The following KLHL41 variants were observed in gnomAD, a reference collection of about 807,000 sequenced individuals.
KLHL41 encodes the protein kelch-like protein 41.
A neutral mutation model predicts 49.2 loss-of-function variants in KLHL41; 31 were observed. The observed-to-expected ratio is 0.63, with a 90% CI of 0.47 to 0.85. KLHL41 has a LOEUF of 0.85. Ranked by LOEUF, KLHL41 falls within the 40% of genes least tolerant of loss-of-function variation. The probability of loss-of-function intolerance (pLI) is 0.00; values close to 1 mark genes in which losing one functional copy is unlikely to be tolerated. For synonymous variants in KLHL41, 218 were observed against 258.5 expected (o/e 0.84, Z 1.50); for missense variants, 663 against 726.7 (o/e 0.91, Z 1.01).
rs1233703863 is a variant in KLHL41, at chr2:169,510,086, T to C, written c.308T>C (p.Val103Ala). 2 of 1,614,080 alleles carry C rather than the reference T, an allele frequency of 1.2e-6. No homozygotes were observed. Among genetic ancestry groups the C allele is most frequent in the Non-Finnish European group, 1.7e-6 (2 of 1,180,038 alleles). ...SASIDLNDGN[V>A]QDIFALASRF... ...AGTATTGATCTCAATGACGGAAATG[T>C]GCAAGATATTTTTGCATTGGCCAGC... The change falls in exon 1 of 6, where the codon GTG becomes GCG. Residue 103 changes from valine to alanine, a missense_variant. Physicochemically the swap from Val to Ala is moderately conservative, Grantham distance 64. Coordinates refer to ENST00000284669, the MANE Select transcript of KLHL41 (RefSeq NM_006063.3). This position sits in a 1 kb window ranked among gnomAD's most constrained non-coding sequence, Gnocchi z 4.2.
At chr2:169,512,628 A>G (rs796881135) in intron 1 of KLHL41, among the ~76,000 whole-genome samples, 11 of 152,296 alleles carry the variant, frequency 7.2e-5, no homozygotes, top group African/African-American at 2.6e-4. Context: ...ATAACAGAAC[A>G]TTAACAATAA....
In KLHL41 at chr2:169,514,741, C is replaced by CA; in HGVS notation, c.1268+11dup. ...TATGCTATGATCCTGTGTAAGTTGG[C>CA]ATGATATTCCTGTTCCCTAAGCATT... On this transcript the variant is annotated intron_variant, in intron 2 of 5. Transcript: ENST00000284669. 6.2e-7 allele frequency: 1 copy of CA among 1,612,948 alleles called. No homozygotes were observed. The highest frequency in any genetic ancestry group is 1.3e-5 in the African/African-American group (1 of 74,986).
At position 169,526,011 on chromosome 2, in the gene KLHL41, T is replaced by C. The variant is rs940196480; in HGVS notation, c.*315T>C. 2.2e-5 allele frequency: 4 copies of C among 185,850 alleles called. No individual in the cohort carries two copies. Among genetic ancestry groups the C allele is most frequent in the Admixed American group, 5.9e-5 (1 of 16,906 alleles). 11.5% of individuals were successfully genotyped at this position (185,850 alleles called of 1,614,324 possible). On this transcript the variant is annotated 3_prime_UTR_variant, in exon 6 of 6. Coordinates refer to ENST00000284669, the MANE Select transcript of KLHL41 (RefSeq NM_006063.3). ...TTGCTAATCATTTCATTTGCATCAT[T>C]AGGGTATCCTTAAACTGATTTTCTA...
intron 5 of KLHL41, among the ~76,000 whole-genome samples, chr2:169,523,443 A>G (rs1684232532): frequency 6.6e-6 from 1 of 152,162 alleles, no homozygotes; most frequent in African/African-American, 2.4e-5. Context: ...AAGTTTGGGA[A>G]CCACTGGATT....
intron 5 of KLHL41, among the ~76,000 whole-genome samples, chr2:169,521,772 T>C (rs1684207502): frequency 6.6e-6 from 1 of 152,188 alleles, no homozygotes; most frequent in African/African-American, 2.4e-5. Flanking sequence ...TTTCCAATTG[T>C]TTTAGGCTTC....
At position 169,518,223 on chromosome 2, in the gene KLHL41, C is replaced by CA. The variant is rs749464576; in HGVS notation, c.1416dup (p.Gly473ArgfsTer22). 69 of 1,613,156 alleles carry CA rather than the reference C, an allele frequency of 4.3e-5. No individual in the cohort carries two copies. The highest frequency in any genetic ancestry group is 5.6e-5 in the Non-Finnish European group (66 of 1,179,564). ...CAAACAGGGTGTTTATCTTCAACCC[C>CA]AAAAAAGGAGATTGGAAAGATCTGG... On this transcript the variant is annotated frameshift_variant, in exon 4 of 6. Coordinates refer to ENST00000284669, the MANE Select transcript of KLHL41 (RefSeq NM_006063.3). LOFTEE classifies it high-confidence loss of function.
rs1684194335 is a variant in KLHL41 at position 169,520,984 on chromosome 2, C to T, written c.1686C>T (p.Pro562=). The change falls in exon 5 of 6, where the codon CCC becomes CCT. Residue 562 remains proline (P), a synonymous_variant. Coordinates refer to ENST00000284669, the MANE Select transcript of KLHL41 (RefSeq NM_006063.3). ...AACTGGAGTCTAAAGAATTTGCACC[C>T]ACTGAAGTCAATGACATATGGAAGT... ...MIQLESKEFA[P]TEVNDIWKYE... is the part of the protein sequence containing the mutation. 1.9e-6 allele frequency: 3 copies of T among 1,613,794 alleles called. No homozygotes were observed. The highest frequency in any genetic ancestry group is 2.5e-6 in the Non-Finnish European group (3 of 1,179,874).
At position 169,510,347 on chromosome 2, in the gene KLHL41, T is replaced by A; in HGVS notation, c.569T>A (p.Val190Glu). ...ISVISNDSLN[V>E]EKEEAVFEAV... ...GTCATTTCAAATGACAGCCTAAATG[T>A]AGAAAAAGAAGAAGCAGTATTTGAG... Residue 190 changes from valine (V) to glutamate (E), a missense_variant, in exon 1 of 6, where the codon GTA (valine) becomes GAA (glutamate). Physicochemically the swap from Val to Glu is moderately radical, Grantham distance 121. Transcript: ENST00000284669. This position sits in a 1 kb window ranked among gnomAD's most constrained non-coding sequence, Gnocchi z 4.2. The A allele has an allele frequency of 6.2e-7, 1 of 1,613,978 alleles. No homozygotes were observed. The highest frequency in any genetic ancestry group is 8.5e-7 in the Non-Finnish European group (1 of 1,180,000).
chr2:169,525,763 GT>G lies in KLHL41; in HGVS notation c.*73del. 1 of 887,790 alleles carries G rather than the reference GT, an allele frequency of 1.1e-6. No individual in the cohort carries two copies. The highest frequency in any genetic ancestry group is 1.8e-6 in the Non-Finnish European group (1 of 546,918). 55.0% of individuals were successfully genotyped at this position (887,790 alleles called of 1,614,324 possible). A position where few individuals can be genotyped will look rare whatever the true frequency, so the allele number is the denominator to read the frequency against. On this transcript the variant is annotated 3_prime_UTR_variant, in exon 6 of 6. Transcript: ENST00000284669. ...GGTGAATGGGGCTTTAATTTATTCT[GT>G]TTTTTAAAAGCTTGTACAGACACTC... is the stretch of plus-strand genomic sequence containing the variant.
intron 5 of KLHL41, 151 bp from the exon 6 acceptor site, chr2:169,525,434 A>C: frequency 1.7e-6 from 1 of 583,210 alleles, no homozygotes; most frequent in Non-Finnish European, 3.1e-6. Context: ...CATATTTGGG[A>C]GATATTTAAG....
intron 1 of KLHL41, among the ~76,000 whole-genome samples, chr2:169,511,327 G>A (rs371628338): frequency 6.6e-6 from 1 of 152,080 alleles, no homozygotes; most frequent in African/African-American, 2.4e-5. Flanking sequence ...TGGGATTACC[G>A]GTGTGAGCCA....
chr2:169,521,221 C>G (rs1188623660), intron 5 of KLHL41, among the ~76,000 whole-genome samples: 1 of 152,278 alleles, frequency 6.6e-6, no homozygotes, highest in African/African-American at 2.4e-5. Context: ...AAGAAATCAT[C>G]TGGGCAGGCC....
intron 5 of KLHL41, among the ~76,000 whole-genome samples, chr2:169,523,552 C>CCTAATCTAATATGA (rs1417501429): frequency 3.9e-5 from 6 of 152,280 alleles, no homozygotes; most frequent in African/African-American, 1.4e-4. Context: ...GATTCTCAAA[C>CCTAATCTAATATGA]TTTGCTGCAT....
intron 3 of KLHL41, among the ~76,000 whole-genome samples, chr2:169,517,209 A>G (rs1299709018): frequency 6.6e-6 from 1 of 152,224 alleles, no homozygotes; most frequent in East Asian, 1.9e-4. Context: ...CTCACAAAAA[A>G]GTTAAGGTGT....
chr2:169,512,535 G>C (rs1032096763), intron 1 of KLHL41, among the ~76,000 whole-genome samples: 73 of 151,954 alleles, frequency 4.8e-4, no homozygotes, highest in African/African-American at 1.7e-3. Context: ...TTTAATCTTT[G>C]TCCTCTTCCA....
intron 4 of KLHL41, among the ~76,000 whole-genome samples, chr2:169,519,636 C>A (rs970754491): frequency 6.8e-6 from 1 of 147,522 alleles, no homozygotes; most frequent in Non-Finnish European, 1.5e-5. Flanking sequence ...TCTGTACTTT[C>A]CAGATTTTCT....
Position 169,510,318 on chromosome 2 carries a change from C to G in KLHL41, c.540C>G (p.Ile180Met). Residue 180 changes from isoleucine to methionine, a missense_variant, in exon 1 of 6, where the codon ATC becomes ATG. This residue lies in a region of KLHL41 where 528 missense variants were observed against 581.0 expected (regional missense o/e 0.91). Transcript: ENST00000284669. This position sits in a 1 kb window ranked among gnomAD's most constrained non-coding sequence, Gnocchi z 4.2. ...DFMQLSPQELISVISNDSLNV... is the reference protein window; with the variant it reads ...DFMQLSPQELMSVISNDSLNV... ...TGCAACTGTCTCCACAGGAACTGAT[C>G]TCAGTCATTTCAAATGACAGCCTAA... 6.2e-7 allele frequency: 1 copy of G among 1,613,988 alleles called. No individual in the cohort carries two copies. The highest frequency in any genetic ancestry group is 8.5e-7 in the Non-Finnish European group (1 of 1,179,946).
Position 169,510,253 on chromosome 2 carries a change from T to G in KLHL41, c.475T>G (p.Ser159Ala). Residue 159 changes from serine to alanine, a missense_variant, in exon 1 of 6, where the codon TCT becomes GCT. Transcript: ENST00000284669. This position sits in a 1 kb window ranked among gnomAD's most constrained non-coding sequence, Gnocchi z 4.2. The stretch of plus-strand genomic sequence containing the variant: ...CGCCATTTCTGCCCGTGAATTTGTG[T>G]CTGATCGCTTTGTACAGATTTGTAA... The part of the protein sequence containing the change: ...RLAISAREFV[S>A]DRFVQICKEE... The G allele has an allele frequency of 1.2e-6, 2 of 1,614,062 alleles. No homozygotes were observed. The highest frequency in any genetic ancestry group is 1.7e-6 in the Non-Finnish European group (2 of 1,180,040).
At chr2:169,519,993 C>G (rs746346741) in intron 4 of KLHL41, among the ~76,000 whole-genome samples, 1 of 151,376 alleles carries the variant, frequency 6.6e-6, no homozygotes, top group African/African-American at 2.4e-5. Flanking sequence ...TGCCTGTGCT[C>G]CTTGAATTTT....
Sources: allele counts gnomAD v4.1 joint callset (sites outside exome capture counted in the v4.1 genomes callset), GRCh38; gene constraint gnomAD v4.1.1; regional missense constraint gnomAD v4.1.1; non-coding constraint Gnocchi (gnomAD v3.1); transcripts MANE v1.5; gene names NCBI Gene and HGNC (gene_info 2026-07-23, HGNC 2026-07-21).